Variants in CHM observed in about 807,000 individuals in gnomAD.
CHM encodes the protein CHM Rab escort protein.
Under a neutral mutation model 49.0 loss-of-function variants are expected in CHM, and 10 were observed. The ratio of observed to expected loss-of-function variants is 0.20; its 90% CI spans 0.13 to 0.35. CHM has a LOEUF of 0.35. Ranked by LOEUF, CHM falls within the 10% of genes least tolerant of loss-of-function variation. The pLI, the probability that CHM is intolerant of heterozygous loss-of-function variation, is 1.00. For synonymous variants in CHM, 184 were observed against 167.5 expected (o/e 1.10, Z -0.76); for missense variants, 455 against 478.4 (o/e 0.95, Z 0.46).
intron 1 of CHM, among the ~76,000 whole-genome samples, chrX:86,034,672 C>T (rs1934169153): frequency 9.0e-6 from 1 of 110,941 alleles, no homozygotes; most frequent in Admixed American, 9.6e-5. Flanking sequence ...CCCAGGTACT[C>T]GGGAGGCTGA....
intron 3 of CHM, among the ~76,000 whole-genome samples, chrX:85,981,204 T>TTATATATATATA (rs1193461119): frequency 3.9e-5 from 2 of 50,729 alleles, no homozygotes; most frequent in African/African-American, 1.4e-4. Context: ...ACATTTCTAT[T>TTATATATATATA]TCTATATATA....
At chrX:85,887,045 C>T (rs745487676) in intron 12 of CHM, among the ~76,000 whole-genome samples, 4 of 107,005 alleles carry the variant, frequency 3.7e-5, no homozygotes, top group African/African-American at 1.4e-4. Flanking sequence ...TAAATTGAAA[C>T]TTAACTTTCT....
In CHM at chrX:85,869,737, A is replaced by T. The variant is rs10156920; in HGVS notation, c.1770+3315T>A. ...TCTGCTGCATTTTGTTTGCCAACTA[A>T]ACCTAGTTCTAAGCACAGAATAGTT... On this transcript the variant is annotated intron_variant, in intron 14 of 14. Transcript: ENST00000357749. 8.9e-3 allele frequency among the ~76,000 whole-genome samples: 995 copies of T among 111,916 alleles called. 10 individuals carry two copies. The highest frequency in any genetic ancestry group is 0.031 in the African/African-American group (950 of 30,784).
At chrX:85,890,342 C>T (rs1301160334) in intron 12 of CHM, among the ~76,000 whole-genome samples, 1 of 111,687 alleles carries the variant, frequency 9.0e-6, no homozygotes, top group Admixed American at 9.4e-5. Context: ...AAAATAACAA[C>T]AACTGTCATG....
At chrX:86,002,319 C>T (rs996879444) in intron 2 of CHM, among the ~76,000 whole-genome samples, 61 of 108,919 alleles carry the variant, frequency 5.6e-4, no homozygotes, top group African/African-American at 2.0e-3. Context: ...GTTTTAACCA[C>T]AAAATATTTT....
chrX:85,938,453 T>C (rs1376241795), intron 8 of CHM, among the ~76,000 whole-genome samples: 1 of 110,601 alleles, frequency 9.0e-6, no homozygotes, highest in Admixed American at 9.8e-5. Flanking sequence ...ACTTTTGGGA[T>C]AGAAGCTTTT....
intron 3 of CHM, among the ~76,000 whole-genome samples, chrX:85,981,064 A>G (rs1283181751): frequency 9.2e-6 from 1 of 108,164 alleles, no homozygotes; most frequent in Non-Finnish European, 1.9e-5. Flanking sequence ...CAACCAGTAA[A>G]TGTGAGATTT....
At chrX:85,972,394 C>T (rs1207358118) in intron 4 of CHM, among the ~76,000 whole-genome samples, 5 of 113,317 alleles carry the variant, frequency 4.4e-5, no homozygotes, top group African/African-American at 1.3e-4. Context: ...TGGGACTGGG[C>T]GCCGTGGAGC....
chrX:85,924,709 A>C (rs5968717), intron 8 of CHM, among the ~76,000 whole-genome samples: 19,001 of 111,581 alleles, frequency 0.17, 1,536 homozygotes, highest in Non-Finnish European at 0.25. Context: ...TGCTAATTCA[A>C]GAAATTATGT....
chrX:85,965,621 A>G (rs1464428975), intron 4 of CHM, among the ~76,000 whole-genome samples: 1 of 111,707 alleles, frequency 9.0e-6, no homozygotes, highest in African/African-American at 3.3e-5. Flanking sequence ...AAGGCCAAGA[A>G]AAAAACACGG....
chrX:85,869,766 T>C (rs1463830288), intron 14 of CHM, among the ~76,000 whole-genome samples: 3 of 112,103 alleles, frequency 2.7e-5, no homozygotes, highest in African/African-American at 9.7e-5. Context: ...AATAGTTGAT[T>C]GGCAACTTTT....
rs769449849 is a variant in CHM, at chrX:85,893,191, A to G, written c.1510+997T>C. On this transcript the variant is annotated intron_variant, in intron 12 of 14. Transcript: ENST00000357749. ...AGATTATGAGCATTTCAAATCAGGT[A>G]TCTCACCTTCTGCTTCTAATACTTA... Among the ~76,000 whole-genome samples the G allele has an allele frequency of 5.4e-5, 6 of 111,890 alleles. No individual in the cohort carries two copies. In the South Asian group the frequency reaches 1.5e-3, roughly 28 times the overall value.
At chrX:85,953,929 C>A (rs752052306) in intron 8 of CHM, among the ~76,000 whole-genome samples, 5 of 111,542 alleles carry the variant, frequency 4.5e-5, no homozygotes, top group African/African-American at 1.3e-4. Context: ...AACGGGAACA[C>A]ATGAAGTTAA....
chrX:86,017,743 A>T (rs1473838357), intron 2 of CHM, among the ~76,000 whole-genome samples: 4 of 111,819 alleles, frequency 3.6e-5, no homozygotes. Flanking sequence ...TTTAAAGAAA[A>T]AAGCTACGAA....
At chrX:86,035,066 C>T (rs1934183335) in intron 1 of CHM, among the ~76,000 whole-genome samples, 1 of 111,714 alleles carries the variant, frequency 9.0e-6, no homozygotes, top group Admixed American at 9.5e-5. Flanking sequence ...CTAGACAAAA[C>T]TAGGGGAGGG....
intron 8 of CHM, among the ~76,000 whole-genome samples, chrX:85,936,818 T>G (rs978346999): frequency 1.8e-5 from 2 of 111,841 alleles, no homozygotes; most frequent in Non-Finnish European, 3.8e-5. Context: ...CTTTGTTTTG[T>G]TTGTTTTTGT....
At chrX:85,937,262 CA>C (rs1160612271) in intron 8 of CHM, among the ~76,000 whole-genome samples, 322 of 42,703 alleles carry the variant, frequency 7.5e-3, no homozygotes, top group East Asian at 0.014. Context: ...GAGACTCCGT[CA>C]AAAAAAAAAA....
intron 1 of CHM, among the ~76,000 whole-genome samples, chrX:86,037,438 AAC>A (rs1235754534): frequency 9.0e-6 from 1 of 111,243 alleles, no homozygotes; most frequent in African/African-American, 3.3e-5. Flanking sequence ...TAATTTTCTT[AAC>A]ACAAATATTT....
chrX:85,888,932 AAAC>A (rs893617083), intron 12 of CHM, among the ~76,000 whole-genome samples: 19 of 112,206 alleles, frequency 1.7e-4, no homozygotes, highest in African/African-American at 6.1e-4. Context: ...ACAGTATATA[AAAC>A]AATATTGCAT....
Sources: gnomAD v4.1 joint callset for allele counts (sites outside exome capture counted in the v4.1 genomes callset) on GRCh38, gnomAD v4.1.1 for gene constraint, MANE v1.5 for transcripts, NCBI Gene and HGNC (gene_info 2026-07-23, HGNC 2026-07-21) for gene names.